SLC4A8: variants seen among roughly 807,000 people sequenced by gnomAD.
The protein encoded by SLC4A8 is electroneutral sodium bicarbonate exchanger 1.
SLC4A8 carries 40 observed loss-of-function variants against 125.0 expected under a neutral mutation model. The observed-to-expected ratio is 0.32, with a 90% CI of 0.25 to 0.42. SLC4A8 has a LOEUF of 0.42. SLC4A8 is among the 10% of genes least tolerant of loss of function. The pLI is 1.00. For missense variants in SLC4A8, 863 were observed against 1,355.1 expected, an observed-to-expected ratio of 0.64 and a Z score of 5.70; for synonymous variants, 456 against 476.0, an observed-to-expected ratio of 0.96 and a Z score of 0.55.
In SLC4A8 at chr12:51,424,885, G is replaced by A; in HGVS notation, c.-103G>A. 1 of 1,263,962 alleles carries A rather than the reference G, an allele frequency of 7.9e-7. No homozygotes were observed. Among genetic ancestry groups the A allele is most frequent in the Admixed American group, 2.1e-5 (1 of 46,784 alleles). The allele number at this position is 1,263,962 out of a possible 1,614,324, so 78.3% of individuals were successfully genotyped here. ...GTTGATGGTTGACCGTTGGCTCCGG[G>A]GTGGGGGTCGCCGTTCGAGTGATCT... On this transcript the variant is annotated 5_prime_UTR_variant, in exon 1 of 25. Transcript: ENST00000453097.
At chr12:51,402,056 C>T (rs759733097) in intron 1 of SLC4A8, among the ~76,000 whole-genome samples, 3 of 152,212 alleles carry the variant, frequency 2.0e-5, no homozygotes, top group African/African-American at 7.2e-5. Context: ...GCATGAGCCA[C>T]AGTGTCTGGC....
chr12:51,426,138 A>G (rs1948967941), intron 1 of SLC4A8, among the ~76,000 whole-genome samples: 1 of 152,218 alleles, frequency 6.6e-6, no homozygotes, highest in East Asian at 1.9e-4. Flanking sequence ...CCGAGGAGGC[A>G]GGGAAAATAT....
At chr12:51,425,423 C>G in intron 1 of SLC4A8, 8 of 1,034,998 alleles carry the variant, frequency 7.7e-6, no homozygotes, top group Non-Finnish European at 8.1e-6. Context: ...TGGTGGGGCA[C>G]GTCTTCTCTT....
chr12:51,421,049 C>G (rs529557239), upstream of SLC4A8, among the ~76,000 whole-genome samples: 5 of 152,258 alleles, frequency 3.3e-5, no homozygotes, highest in African/African-American at 1.2e-4. Flanking sequence ...TGTGTTGTCT[C>G]TGCCTCTACA....
At chr12:51,423,583 C>T (rs1006090351), upstream of SLC4A8, among the ~76,000 whole-genome samples, 1 of 152,192 alleles carries the variant, frequency 6.6e-6, no homozygotes, top group African/African-American at 2.4e-5. Context: ...TCAGGACCAA[C>T]ACAAAGGATG....
chr12:51,442,829 C>T (rs1389714865), intron 2 of SLC4A8, among the ~76,000 whole-genome samples: 1 of 152,192 alleles, frequency 6.6e-6, no homozygotes, highest in Admixed American at 6.5e-5. Flanking sequence ...CTCAGACTCA[C>T]TCCGAAGGGC....
chr12:51,492,511 G>C (rs1008415904), intron 19 of SLC4A8, among the ~76,000 whole-genome samples: 1 of 152,206 alleles, frequency 6.6e-6, no homozygotes, highest in African/African-American at 2.4e-5. Context: ...CTCCAAGATA[G>C]AACCATGAAG....
intron 20 of SLC4A8, 50 bp downstream of exon 20, chr12:51,493,822 G>C (rs1228131846): frequency 2.5e-6 from 3 of 1,179,104 alleles, no homozygotes; most frequent in Non-Finnish European, 3.8e-6. Context: ...AAGTTTGCAT[G>C]TCCTGTCCAG....
Position 51,453,924 on chromosome 12 carries a change from T to C in SLC4A8, c.574+225T>C, listed in dbSNP as rs117146709. On this transcript the variant is annotated intron_variant, in intron 5 of 24. Transcript: ENST00000453097. ...GGTATTCAAATGACATGGTGTTAAG[T>C]TTCCATTTGTCTGTTTATTCAGCAA... Among the ~76,000 whole-genome samples the C allele has an allele frequency of 3.8e-3, 572 of 152,362 alleles. 1 individual carries two copies. Among genetic ancestry groups the C allele is most frequent in the Non-Finnish European group, 6.8e-3 (466 of 68,034 alleles).
chr12:51,460,073 T>G lies in SLC4A8; in HGVS notation c.978T>G (p.Leu326=). The change falls in exon 8 of 25, where the codon CTT becomes CTG. Residue 326 remains leucine (L), a synonymous_variant. Transcript: ENST00000453097. The part of the protein sequence containing the change: ...VAFVRLSPAV[L]LSGLTEVPIP... The stretch of plus-strand genomic sequence containing the variant: ...TTGTGAGGCTGTCTCCAGCTGTTCT[T>G]CTCTCAGGCCTAACAGAAGTGCCAA... The G allele has an allele frequency of 1.2e-6, 2 of 1,613,892 alleles. No individual in the cohort carries two copies. Among genetic ancestry groups the G allele is most frequent in the Non-Finnish European group, 1.7e-6 (2 of 1,179,794 alleles).
At chr12:51,396,134 G>A (rs1948256137) in intron 1 of SLC4A8, among the ~76,000 whole-genome samples, 1 of 152,218 alleles carries the variant, frequency 6.6e-6, no homozygotes, top group African/African-American at 2.4e-5. Flanking sequence ...TAAGCAAAGT[G>A]CTTAACCCAG....
intron 19 of SLC4A8, among the ~76,000 whole-genome samples, chr12:51,490,387 C>T (rs941966877): frequency 2.6e-5 from 4 of 151,742 alleles, no homozygotes; most frequent in African/African-American, 9.7e-5. Flanking sequence ...AACCTCGTCT[C>T]TACTAAAAAT....
intron 1 of SLC4A8, among the ~76,000 whole-genome samples, chr12:51,410,439 A>G (rs1000756923): frequency 1.3e-5 from 2 of 150,074 alleles, no homozygotes; most frequent in African/African-American, 4.9e-5. Context: ...TCCTGAATGC[A>G]TCTGGTGTTG....
intron 1 of SLC4A8, among the ~76,000 whole-genome samples, chr12:51,419,268 G>A (rs1179416896): frequency 2.0e-5 from 3 of 152,220 alleles, no homozygotes; most frequent in Non-Finnish European, 4.4e-5. Flanking sequence ...TGAGATAGCA[G>A]TGATTACAAA....
intron 5 of SLC4A8, 69 bp downstream of exon 5, chr12:51,453,768 T>C: frequency 2.1e-6 from 3 of 1,438,878 alleles, no homozygotes; most frequent in Non-Finnish European, 9.5e-7. Flanking sequence ...AAAAGGAGTG[T>C]GGCGTGACAG....
Position 51,470,481 on chromosome 12 carries a change from T to A in SLC4A8, c.1614T>A (p.Thr538=). 6.2e-7 allele frequency: 1 copy of A among 1,613,804 alleles called. No homozygotes were observed. Among genetic ancestry groups the A allele is most frequent in the African/African-American group, 1.3e-5 (1 of 75,060 alleles). Residue 538 remains threonine, a synonymous_variant, in exon 13 of 25, where the codon ACT becomes ACA. Transcript: ENST00000453097. ...AGGCTCTCACCATCCTGGGAAGTAC[T>A]GGACCAGTGCTTGTGTTTGAAAAGA... The part of the protein sequence containing the change: ...AGQALTILGS[T]GPVLVFEKIL...
At chr12:51,455,999 A>T (rs1178723097) in intron 5 of SLC4A8, among the ~76,000 whole-genome samples, 1 of 152,230 alleles carries the variant, frequency 6.6e-6, no homozygotes, top group Non-Finnish European at 1.5e-5. Context: ...AGTTTTGGAC[A>T]GGGTAATGAT....
chr12:51,442,542 C>T (rs1451259887), intron 2 of SLC4A8, among the ~76,000 whole-genome samples: 2 of 152,194 alleles, frequency 1.3e-5, no homozygotes, highest in African/African-American at 4.8e-5. Flanking sequence ...CAGATGACAT[C>T]ATCTGTTCTT....
In SLC4A8 at chr12:51,458,596, T is replaced by G; in HGVS notation, c.801T>G (p.Asn267Lys). 1 of 1,613,856 alleles carries G rather than the reference T, an allele frequency of 6.2e-7. No individual in the cohort carries two copies. The highest frequency in any genetic ancestry group is 8.5e-7 in the Non-Finnish European group (1 of 1,179,772). Reference protein sequence around the residue: ...TVSPQSVPTTNLEVKNGVNCE... With the variant: ...TVSPQSVPTTKLEVKNGVNCE... ...CTCCTCAGTCTGTTCCAACTACAAA[T>G]CTTGAAGTAAAAAATGGAGTGAATT... The change falls in exon 7 of 25, where the codon AAT (asparagine) becomes AAG (lysine). Residue 267 changes from asparagine (N) to lysine (K), a missense_variant. Around this residue, in one of 6 missense-constraint regions of SLC4A8, gnomAD observed 390 missense variants for 634.4 expected, o/e 0.61. Transcript: ENST00000453097.
Sources: gnomAD v4.1 joint callset for allele counts (sites outside exome capture counted in the v4.1 genomes callset) on GRCh38, gnomAD v4.1.1 for gene constraint, gnomAD v4.1.1 regional missense constraint, MANE v1.5 for transcripts, NCBI Gene and HGNC (gene_info 2026-07-23, HGNC 2026-07-21) for gene names.